The following BCL7C variants were observed in gnomAD, a reference collection of about 807,000 sequenced individuals.
The protein encoded by BCL7C is BAF chromatin remodeling complex subunit BCL7C.
Under a neutral mutation model 26.2 loss-of-function variants are expected in BCL7C, and 8 were observed. That is an observed-to-expected ratio of 0.30 (90% CI 0.18 to 0.55). The LOEUF (loss-of-function observed/expected upper bound fraction) is 0.55. Among genes scored for constraint, BCL7C ranks in the 20% least tolerant of loss-of-function variants. BCL7C has a pLI of 0.93. For synonymous variants in BCL7C, 90 were observed against 116.5 expected (o/e 0.77, Z 1.47); for missense variants, 262 against 298.5 (o/e 0.88, Z 0.90).
chr16:30,856,743 T>C lies in BCL7C; in HGVS notation c.529-21595A>G, dbSNP rs55794634. On this transcript the variant is annotated intron_variant, in intron 5 of 5. Transcript: ENST00000380317. ...GTCTCAGTGTTCCAAAGACAGTGTATAGCACTGCTCTAACCTTCCCTTGCT... is the reference window on the plus strand; with the variant it reads ...GTCTCAGTGTTCCAAAGACAGTGTACAGCACTGCTCTAACCTTCCCTTGCT... Among the ~76,000 whole-genome samples the C allele has an allele frequency of 3.1e-3, 477 of 152,264 alleles. 3 individuals are homozygous for C. The highest frequency in any genetic ancestry group is 0.011 in the African/African-American group (448 of 41,536).
At chr16:30,888,583 C>T (rs981260811) in intron 5 of BCL7C, 54 of 254,430 alleles carry the variant, frequency 2.1e-4, no homozygotes, top group Admixed American at 1.0e-4. Flanking sequence ...GATCCACCCG[C>T]CTCCGCCTCC....
At chr16:30,887,320 GATAAATAA>G (rs796911153), downstream of BCL7C, among the ~76,000 whole-genome samples, 5 of 151,280 alleles carry the variant, frequency 3.3e-5, no homozygotes, top group East Asian at 1.9e-4. Flanking sequence ...AAAAAATAGT[GATAAATAA>G]ATAAATAAAT....
At chr16:30,854,737 C>CG (rs2054705304) in intron 5 of BCL7C, among the ~76,000 whole-genome samples, 1 of 146,174 alleles carries the variant, frequency 6.8e-6, no homozygotes, top group African/African-American at 2.6e-5. Flanking sequence ...GAAACAGTCT[C>CG]GCTCTGTCAC....
intron 5 of BCL7C, among the ~76,000 whole-genome samples, chr16:30,860,973 G>A (rs539481018): frequency 9.2e-5 from 14 of 151,900 alleles, no homozygotes; most frequent in African/African-American, 1.9e-4. Flanking sequence ...GTTTTTTTCC[G>A]CGACTAGCCC....
At chr16:30,874,824 CTGCCTCGCGAGGTGGAGAGAGAA>C (rs2054922013) in intron 5 of BCL7C, among the ~76,000 whole-genome samples, 1 of 152,204 alleles carries the variant, frequency 6.6e-6, no homozygotes, top group Non-Finnish European at 1.5e-5. Context: ...ACGGCAGCTT[CTGCCTCGCGAGGTGGAGAGAGAA>C]TGAGAAGCGC....
At position 30,841,935 on chromosome 16, in the gene BCL7C, A is replaced by C. The variant is rs561867584; in HGVS notation, c.529-6787T>G. 1.2e-3 allele frequency among the ~76,000 whole-genome samples: 173 copies of C among 144,600 alleles called. 1 individual carries two copies. Among genetic ancestry groups the C allele is most frequent in the Non-Finnish European group, 1.8e-3 (119 of 65,804 alleles). The allele number at this position is 144,600 out of a possible 152,430, so 94.9% of individuals were successfully genotyped here. On this transcript the variant is annotated intron_variant, in intron 5 of 5. Transcript: ENST00000380317. ...ATGCCACTGCACTCCAGCCTGGGCC[A>C]AATGCGAGACTCCATCTCAAAAAAA...
At chr16:30,867,536 C>T (rs139737442) in intron 5 of BCL7C, among the ~76,000 whole-genome samples, 1 of 152,122 alleles carries the variant, frequency 6.6e-6, no homozygotes, top group African/African-American at 2.4e-5. Context: ...AGAGACTCGG[C>T]CATCCCAGCA....
chr16:30,847,124 A>G (rs2054641436), intron 5 of BCL7C, among the ~76,000 whole-genome samples: 9 of 152,248 alleles, frequency 5.9e-5, no homozygotes, highest in Admixed American at 5.9e-4. Flanking sequence ...TGACTTGTGT[A>G]GACCCAGGGC....
intron 5 of BCL7C, among the ~76,000 whole-genome samples, chr16:30,856,646 T>C (rs1457367866): frequency 6.6e-6 from 1 of 152,188 alleles, no homozygotes. Flanking sequence ...TGTCAGCTAA[T>C]GATTGGACAG....
intron 5 of BCL7C, among the ~76,000 whole-genome samples, chr16:30,843,945 G>A (rs1048325881): frequency 2.0e-5 from 3 of 150,400 alleles, no homozygotes; most frequent in Non-Finnish European, 3.0e-5. Flanking sequence ...GATGCTGCTT[G>A]GCAGGAGAAT....
chr16:30,847,683 CTA>C (rs1290950898), intron 5 of BCL7C, among the ~76,000 whole-genome samples: 1 of 152,036 alleles, frequency 6.6e-6, no homozygotes, highest in African/African-American at 2.4e-5. Context: ...GTAATCCCAG[CTA>C]CTCAGGAGGC....
chr16:30,860,173 C>T (rs943414429), intron 5 of BCL7C, among the ~76,000 whole-genome samples: 1 of 152,232 alleles, frequency 6.6e-6, no homozygotes, highest in Non-Finnish European at 1.5e-5. Flanking sequence ...GGACCCAAAA[C>T]TCCAGTGCCG....
At chr16:30,845,176 C>T (rs911041141) in intron 5 of BCL7C, among the ~76,000 whole-genome samples, 23 of 152,222 alleles carry the variant, frequency 1.5e-4, no homozygotes, top group African/African-American at 5.5e-4. Context: ...CTGGTCCTGA[C>T]CTTTATTGGC....
intron 5 of BCL7C, among the ~76,000 whole-genome samples, chr16:30,870,219 G>C (rs1023489298): frequency 1.4e-4 from 22 of 152,174 alleles, no homozygotes; most frequent in African/African-American, 5.3e-4. Context: ...AGCCTAGGCA[G>C]AAAATGGTTC....
At chr16:30,845,435 T>C (rs2054628170) in intron 5 of BCL7C, among the ~76,000 whole-genome samples, 1 of 152,256 alleles carries the variant, frequency 6.6e-6, no homozygotes, top group African/African-American at 2.4e-5. Context: ...ATCCTTGCAC[T>C]GGCAAAGCTC....
chr16:30,864,529 C>T (rs1460034132), intron 5 of BCL7C, among the ~76,000 whole-genome samples: 7 of 152,192 alleles, frequency 4.6e-5, no homozygotes, highest in East Asian at 1.9e-4. Context: ...TAGGTTCCCA[C>T]GCTGCCCCTA....
intron 5 of BCL7C, among the ~76,000 whole-genome samples, chr16:30,838,095 A>T (rs2054580045): frequency 6.6e-6 from 1 of 152,208 alleles, no homozygotes; most frequent in Non-Finnish European, 1.5e-5. Flanking sequence ...CGAGGTCTCA[A>T]TTCAGGGCAC....
At chr16:30,892,000 C>G (rs887606943) in intron 4 of BCL7C, among the ~76,000 whole-genome samples, 1 of 151,250 alleles carries the variant, frequency 6.6e-6, no homozygotes, top group African/African-American at 2.4e-5. Context: ...GGTGTGATGG[C>G]TCACACCCGT....
chr16:30,848,505 A>T (rs1023977784), intron 5 of BCL7C, among the ~76,000 whole-genome samples: 7 of 152,178 alleles, frequency 4.6e-5, no homozygotes, highest in Admixed American at 3.3e-4. Context: ...AATGGATTAT[A>T]GTGTCCCTAG....
Sources: allele counts gnomAD v4.1 joint callset (sites outside exome capture counted in the v4.1 genomes callset), GRCh38; gene constraint gnomAD v4.1.1; transcripts MANE v1.5; gene names NCBI Gene and HGNC (gene_info 2026-07-23, HGNC 2026-07-21).